Variants in MEI1 observed in about 807,000 individuals in gnomAD.
The protein encoded by MEI1 is meiotic double-stranded break formation protein 1.
Under a neutral mutation model 146.2 loss-of-function variants are expected in MEI1, and 103 were observed. That is an observed-to-expected ratio of 0.70 (90% CI 0.60 to 0.83). The LOEUF is 0.83. Ranked by LOEUF, MEI1 falls within the 40% of genes least tolerant of loss-of-function variation. The pLI is 0.00. For synonymous variants in MEI1, 652 were observed against 628.2 expected (o/e 1.04, Z -0.57); for missense variants, 1,529 against 1,533.0 (o/e 1.00, Z 0.04).
At chr22:41,738,865 G>A (rs1430605085) in intron 11 of MEI1, among the ~76,000 whole-genome samples, 1 of 151,468 alleles carries the variant, frequency 6.6e-6, no homozygotes, top group African/African-American at 2.4e-5. Context: ...CTACTTGGGA[G>A]GTAAGGCGGG....
chr22:41,751,801 G>A (rs2073771770), intron 15 of MEI1, among the ~76,000 whole-genome samples: 1 of 149,362 alleles, frequency 6.7e-6, no homozygotes. Context: ...GCCAGGCGCA[G>A]TGGGTCACAC....
In MEI1 at chr22:41,795,815, C is replaced by A. The variant is rs781671730; in HGVS notation, c.3747C>A (p.Thr1249=). ...CCTTGGAGGGCCTTCCCCCTAGCAC[C>A]TCCTCAGGCCAGCCACCCCTGCAGG... ...QASLEGLPPS[T]SSGQPPLQDM... Residue 1249 remains threonine (T), a synonymous_variant, in exon 30 of 31, where the codon ACC becomes ACA. Coordinates refer to ENST00000401548, the MANE Select transcript of MEI1 (RefSeq NM_152513.4). This position sits in a 1 kb window ranked among gnomAD's most constrained non-coding sequence, Gnocchi z 4.2. The A allele has an allele frequency of 6.2e-7, 1 of 1,613,660 alleles. No individual in the cohort carries two copies. The highest frequency in any genetic ancestry group is 8.5e-7 in the Non-Finnish European group (1 of 1,179,806).
intron 4 of MEI1, among the ~76,000 whole-genome samples, chr22:41,715,555 C>T (rs1308963142): frequency 2.0e-5 from 3 of 151,978 alleles, no homozygotes; most frequent in Non-Finnish European, 4.4e-5. Context: ...CCCACCACAC[C>T]CGGCTAATTT....
chr22:41,781,502 T>A, intron 23 of MEI1, 108 bp downstream of exon 23: 1 of 1,170,642 alleles, frequency 8.5e-7, no homozygotes, highest in Non-Finnish European at 1.2e-6. Context: ...GTGTGGCTGG[T>A]GGTCATAAGG....
chr22:41,747,117 A>C (rs893214507), intron 14 of MEI1, among the ~76,000 whole-genome samples: 1 of 152,102 alleles, frequency 6.6e-6, no homozygotes, highest in Non-Finnish European at 1.5e-5. Context: ...CAACAAGAAC[A>C]GTGCCTCTGA....
intron 7 of MEI1, among the ~76,000 whole-genome samples, chr22:41,727,533 A>G (rs2071464080): frequency 6.6e-6 from 1 of 152,120 alleles, no homozygotes; most frequent in Admixed American, 6.6e-5. Flanking sequence ...GACTTGGCTG[A>G]CCTGAGTTTG....
chr22:41,701,916 A>T (rs1288278201), intron 1 of MEI1, among the ~76,000 whole-genome samples: 1 of 152,122 alleles, frequency 6.6e-6, no homozygotes, highest in East Asian at 1.9e-4. Context: ...AGTGAAAGAG[A>T]TGAGATTGGA....
intron 12 of MEI1, 112 bp downstream of exon 12, chr22:41,743,306 C>A: frequency 1.5e-6 from 1 of 675,534 alleles, no homozygotes; most frequent in Non-Finnish European, 2.6e-6. Flanking sequence ...TTTTCTCATG[C>A]ACACATGGCT....
chr22:41,703,291 AT>A, intron 1 of MEI1, 39 bp from the exon 2 acceptor site: 4 of 1,601,204 alleles, frequency 2.5e-6, no homozygotes, highest in Non-Finnish European at 2.6e-6. Flanking sequence ...AATAGCCAAA[AT>A]TTGGTTGCTA....
intron 19 of MEI1, among the ~76,000 whole-genome samples, chr22:41,769,089 T>C (rs1279790716): frequency 6.6e-6 from 1 of 152,026 alleles, no homozygotes; most frequent in Non-Finnish European, 1.5e-5. Flanking sequence ...AAAATTCATA[T>C]GGAAATGCAA....
intron 15 of MEI1, 49 bp downstream of exon 15, chr22:41,748,267 G>A (rs1032055210): frequency 3.4e-6 from 4 of 1,181,776 alleles, no homozygotes; most frequent in Non-Finnish European, 5.1e-6. Context: ...AGCACCTTAG[G>A]CAATGCTCAG....
At chr22:41,716,490 C>T (rs536758609) in intron 5 of MEI1, among the ~76,000 whole-genome samples, 2 of 150,444 alleles carry the variant, frequency 1.3e-5, no homozygotes. Flanking sequence ...GATTCTCCTA[C>T]CTCAGCCTCC....
intron 18 of MEI1, among the ~76,000 whole-genome samples, chr22:41,759,674 CA>C (rs1243776038): frequency 1.5e-5 from 2 of 137,720 alleles, no homozygotes; most frequent in Non-Finnish European, 3.0e-5. Flanking sequence ...AATAAAAATA[CA>C]AAAATCAGCC....
At chr22:41,774,816 C>T (rs1002054953) in intron 20 of MEI1, among the ~76,000 whole-genome samples, 3 of 152,030 alleles carry the variant, frequency 2.0e-5, no homozygotes, top group African/African-American at 7.3e-5. Context: ...ATTATTAGGC[C>T]CTGAGTGGTT....
intron 18 of MEI1, among the ~76,000 whole-genome samples, chr22:41,759,092 A>G (rs1419294866): frequency 1.3e-5 from 2 of 152,142 alleles, no homozygotes; most frequent in Non-Finnish European, 2.9e-5. Context: ...GCAGTGAGCC[A>G]AGATTGTGCC....
At position 41,758,549 on chromosome 22, in the gene MEI1, TG is replaced by T; in HGVS notation, c.2120+19del. 1 of 1,600,432 alleles carries T rather than the reference TG, an allele frequency of 6.2e-7. No individual in the cohort carries two copies. The highest frequency in any genetic ancestry group is 1.1e-5 in the South Asian group (1 of 90,300). ...ATGAAGACAGGTCAGTGCACAGAGGTGGGTGGCTGGTGGTGGGTCTTGGGAC... is the reference window on the plus strand; with the variant it reads ...ATGAAGACAGGTCAGTGCACAGAGGTGGTGGCTGGTGGTGGGTCTTGGGAC... On this transcript the variant is annotated intron_variant, in intron 18 of 30. Transcript: ENST00000401548.
At position 41,745,914 on chromosome 22, in the gene MEI1, C is replaced by T; in HGVS notation, c.1568C>T (p.Ser523Leu). The T allele has an allele frequency of 6.2e-7, 1 of 1,610,946 alleles. No homozygotes were observed. Among genetic ancestry groups the T allele is most frequent in the African/African-American group, 1.3e-5 (1 of 75,016 alleles). ...RLAIEFQSEP[S>L]AQENPFTAPS... ...GCTATAGAATTCCAGAGTGAGCCTT[C>T]AGCCCAGGAGAATCCATTCACAGCT... is the stretch of plus-strand genomic sequence containing the variant. The change falls in exon 14 of 31, where the codon TCA becomes TTA. Residue 523 changes from serine (S) to leucine (L), a missense_variant. Ser to Leu is a moderately radical substitution (Grantham distance 145, BLOSUM62 -2). Around this residue, in one of 3 missense-constraint regions of MEI1, gnomAD observed 1,212 missense variants for 1,178.9 expected, o/e 1.03. Transcript: ENST00000401548.
At chr22:41,726,728 A>G (rs2071389253) in intron 7 of MEI1, among the ~76,000 whole-genome samples, 1 of 147,894 alleles carries the variant, frequency 6.8e-6, no homozygotes, top group South Asian at 2.3e-4. Flanking sequence ...GCATCTTAAG[A>G]TACAATATGT....
chr22:41,713,038 T>G (rs1248224026), intron 3 of MEI1, among the ~76,000 whole-genome samples: 1 of 152,084 alleles, frequency 6.6e-6, no homozygotes, highest in East Asian at 1.9e-4. Context: ...CTCCATCTCC[T>G]GACCTCGTGA....
Sources: gnomAD v4.1 joint callset for allele counts (sites outside exome capture counted in the v4.1 genomes callset) on GRCh38, gnomAD v4.1.1 for gene constraint, gnomAD v4.1.1 regional missense constraint, Gnocchi (gnomAD v3.1) non-coding constraint, MANE v1.5 for transcripts, NCBI Gene and HGNC (gene_info 2026-07-23, HGNC 2026-07-21) for gene names.